Variants in FSTL4 observed in about 807,000 individuals in gnomAD.
FSTL4 encodes follistatin-related protein 4.
FSTL4 carries 28 observed loss-of-function variants against 78.2 expected under a neutral mutation model. That is an observed-to-expected ratio of 0.36 (90% confidence interval 0.27 to 0.49). The LOEUF is 0.49. Among genes scored for constraint, FSTL4 ranks in the 20% least tolerant of loss-of-function variants. FSTL4 has a pLI of 0.98. For missense variants in FSTL4, 922 were observed against 1,084.9 expected (o/e 0.85, Z 2.11); for synonymous variants, 422 against 440.5 (o/e 0.96, Z 0.53).
chr5:133,745,023 G>A, the FSTL4 span, among the ~76,000 whole-genome samples: 1 of 152,206 alleles, frequency 6.6e-6, no homozygotes. Context: ...TTGTTTTCAG[G>A]AATGAGGAGC....
the FSTL4 span, among the ~76,000 whole-genome samples, chr5:133,770,794 C>G: frequency 6.6e-6 from 1 of 151,976 alleles, no homozygotes; most frequent in Non-Finnish European, 1.5e-5. Context: ...GTCGTAAATT[C>G]TTTGCCTAGG....
chr5:133,819,739 A>G, the FSTL4 span, among the ~76,000 whole-genome samples: 12 of 152,248 alleles, frequency 7.9e-5, no homozygotes, highest in Admixed American at 1.3e-4. Context: ...GAAAAGGAAT[A>G]GTCTGTTTTT....
the FSTL4 span, among the ~76,000 whole-genome samples, chr5:133,686,654 A>G: frequency 5.9e-5 from 9 of 152,340 alleles, no homozygotes; most frequent in East Asian, 1.7e-3. Flanking sequence ...CAGCAGAGGT[A>G]TTATCATCCC....
intron 3 of FSTL4, among the ~76,000 whole-genome samples, chr5:133,449,037 T>C (rs1000480734): frequency 1.1e-4 from 16 of 152,144 alleles, no homozygotes; most frequent in African/African-American, 3.4e-4. Context: ...ATATATTATA[T>C]AGACAGGGGT....
At chr5:133,220,180 G>T (rs1751045635) in intron 12 of FSTL4, among the ~76,000 whole-genome samples, 1 of 152,256 alleles carries the variant, frequency 6.6e-6, no homozygotes, top group Admixed American at 6.5e-5. Context: ...ATGGGGCATT[G>T]ACATGACCCT....
At chr5:133,688,209 G>A in the FSTL4 span, among the ~76,000 whole-genome samples, 22 of 152,134 alleles carry the variant, frequency 1.4e-4, no homozygotes, top group African/African-American at 1.7e-4. Context: ...AGGAGTTTGA[G>A]ACCAGCCTGG....
chr5:133,761,551 T>G, the FSTL4 span, among the ~76,000 whole-genome samples: 8 of 152,236 alleles, frequency 5.3e-5, no homozygotes, highest in Admixed American at 3.9e-4. Flanking sequence ...ATCGTTTGCT[T>G]CTTCCAGACT....
intron 14 of FSTL4, chr5:133,209,951 TG>T (rs1475404817): frequency 2.5e-6 from 1 of 396,122 alleles, no homozygotes; most frequent in African/African-American, 2.0e-5. Context: ...GGATGGGGAT[TG>T]GGTGCCACAT....
At chr5:133,359,910 C>G (rs1212645018) in intron 4 of FSTL4, among the ~76,000 whole-genome samples, 1 of 152,216 alleles carries the variant, frequency 6.6e-6, no homozygotes, top group Non-Finnish European at 1.5e-5. Flanking sequence ...GGAAAGGCCT[C>G]TACCTGACTC....
intron 3 of FSTL4, among the ~76,000 whole-genome samples, chr5:133,402,593 GA>G (rs5871487): frequency 0.26 from 37,415 of 145,992 alleles, 5,656 homozygotes; most frequent in Non-Finnish European, 0.35. Context: ...CAAAAAAGAA[GA>G]AAAAAAAAAG....
chr5:133,668,779 C>T, the FSTL4 span, among the ~76,000 whole-genome samples: 2 of 152,084 alleles, frequency 1.3e-5, no homozygotes, highest in African/African-American at 2.4e-5. Context: ...GGGGTGATTT[C>T]GGGTGTGAGA....
At chr5:133,476,447 C>T (rs1011567429) in intron 3 of FSTL4, among the ~76,000 whole-genome samples, 2 of 152,184 alleles carry the variant, frequency 1.3e-5, no homozygotes, top group African/African-American at 4.8e-5. Context: ...CCAATGCTTT[C>T]ATAGCTCTCA....
intron 6 of FSTL4, chr5:133,266,462 G>A (rs1752642985): frequency 1.3e-5 from 2 of 152,310 alleles, no homozygotes; most frequent in Admixed American, 1.3e-4. Flanking sequence ...GGCTGAGGCC[G>A]AGGCCCTGCC....
chr5:133,696,272 T>A, the FSTL4 span, among the ~76,000 whole-genome samples: 1 of 152,218 alleles, frequency 6.6e-6, no homozygotes, highest in African/African-American at 2.4e-5. Context: ...CTGGGGGGTA[T>A]CTTTGGTCTT....
chr5:133,246,633 G>A (rs1752045393), intron 7 of FSTL4: 1 of 152,234 alleles, frequency 6.6e-6, no homozygotes, highest in African/African-American at 2.4e-5. Flanking sequence ...GACGTGGACA[G>A]TGAGACCTCC....
chr5:133,489,698 C>T (rs1170379099), intron 3 of FSTL4, among the ~76,000 whole-genome samples: 1 of 152,138 alleles, frequency 6.6e-6, no homozygotes, highest in Non-Finnish European at 1.5e-5. Context: ...AGTATGTCAC[C>T]CCCAAAATAG....
chr5:133,361,020 T>C lies in FSTL4; in HGVS notation c.409+39718A>G, dbSNP rs1285518526. 6.6e-6 allele frequency among the ~76,000 whole-genome samples: 1 copy of C among 152,208 alleles called. No homozygotes were observed. The highest frequency in any genetic ancestry group is 1.9e-4 in the East Asian group (1 of 5,200). On this transcript the variant is annotated intron_variant, in intron 4 of 15. Transcript: ENST00000265342. This position sits in a 1 kb window ranked among gnomAD's most constrained non-coding sequence, Gnocchi z 4.3. The stretch of plus-strand genomic sequence containing the variant: ...CACAATTGTGTAGGACCTTTTTTTC[T>C]CTTCTTGGAGTTTACAAACCTCGAA...
Position 133,426,697 on chromosome 5 carries a change from G to C in FSTL4, c.161-25711C>G, listed in dbSNP as rs180752504. Reference sequence around the variant, plus strand: ...GCTATGGAGGAGCAATCTCTGGCTGGAGGCACAAGCCTCAGTCCTGTTATT... The same window carrying C: ...GCTATGGAGGAGCAATCTCTGGCTGCAGGCACAAGCCTCAGTCCTGTTATT... On this transcript the variant is annotated intron_variant, in intron 3 of 15. Coordinates refer to ENST00000265342, the MANE Select transcript of FSTL4 (RefSeq NM_015082.2). The surrounding 1 kb of genome is among the most constrained non-coding windows in gnomAD (Gnocchi z 5.0). 6.3e-4 allele frequency among the ~76,000 whole-genome samples: 96 copies of C among 152,256 alleles called. 1 individual carries two copies. The highest frequency in any genetic ancestry group is 2.2e-3 in the African/African-American group (93 of 41,552).
At chr5:133,241,097 G>T (rs1005280677) in intron 7 of FSTL4, among the ~76,000 whole-genome samples, 1 of 152,240 alleles carries the variant, frequency 6.6e-6, no homozygotes, top group Non-Finnish European at 1.5e-5. Context: ...CTGTGACAGT[G>T]ACATGTCTGT....
Sources: allele counts gnomAD v4.1 joint callset (sites outside exome capture counted in the v4.1 genomes callset), GRCh38; gene constraint gnomAD v4.1.1; non-coding constraint Gnocchi (gnomAD v3.1); transcripts MANE v1.5; gene names NCBI Gene and HGNC (gene_info 2026-07-23, HGNC 2026-07-21).